CCSER2: variants seen among roughly 807,000 people sequenced by gnomAD.
CCSER2 encodes coiled-coil serine rich protein 2.
Under a neutral mutation model 92.3 loss-of-function variants are expected in CCSER2, and 46 were observed. That is an observed-to-expected ratio of 0.50 (90% CI 0.39 to 0.64). The LOEUF is 0.64. CCSER2 is among the 30% of genes least tolerant of loss of function. CCSER2 has a pLI of 0.00. For synonymous variants in CCSER2, 433 were observed against 431.4 expected (o/e 1.00, Z -0.04); for missense variants, 1,244 against 1,238.9 (o/e 1.00, Z -0.06).
chr10:84,478,158 A>G (rs1847264221), intron 9 of CCSER2, among the ~76,000 whole-genome samples: 1 of 152,230 alleles, frequency 6.6e-6, no homozygotes, highest in Non-Finnish European at 1.5e-5. Context: ...TTTAGGCAGA[A>G]CTAGGGAATG....
intron 3 of CCSER2, among the ~76,000 whole-genome samples, chr10:84,374,874 T>C (rs1004090223): frequency 2.0e-5 from 3 of 152,216 alleles, no homozygotes; most frequent in East Asian, 1.9e-4. Flanking sequence ...TAATTTTCTA[T>C]ACTCCTATAA....
intron 9 of CCSER2, among the ~76,000 whole-genome samples, chr10:84,493,142 G>A (rs1848263368): frequency 1.3e-5 from 2 of 152,106 alleles, no homozygotes; most frequent in Non-Finnish European, 2.9e-5. Flanking sequence ...TTCTTTAATA[G>A]TTATTGACCT....
At chr10:84,366,913 A>C (rs1377809473) in intron 1 of CCSER2, among the ~76,000 whole-genome samples, 3 of 152,182 alleles carry the variant, frequency 2.0e-5, no homozygotes, top group Non-Finnish European at 4.4e-5. Context: ...TACAGGAAGA[A>C]ATGATGAGCA....
intron 3 of CCSER2, among the ~76,000 whole-genome samples, chr10:84,383,550 T>C (rs1039283671): frequency 6.6e-6 from 1 of 152,242 alleles, no homozygotes; most frequent in African/African-American, 2.4e-5. Flanking sequence ...GACCTCATGA[T>C]CTACCCACCT....
chr10:84,467,195 TTG>T (rs1467011483), intron 7 of CCSER2, among the ~76,000 whole-genome samples: 1 of 152,240 alleles, frequency 6.6e-6, no homozygotes, highest in East Asian at 1.9e-4. Flanking sequence ...CCTTTGGCTT[TTG>T]TGTCACTTCT....
intron 9 of CCSER2, among the ~76,000 whole-genome samples, chr10:84,507,689 A>G (rs1457854933): frequency 6.6e-6 from 1 of 152,214 alleles, no homozygotes; most frequent in Non-Finnish European, 1.5e-5. Context: ...AATGCTTATG[A>G]AAACTGGCAT....
At position 84,385,930 on chromosome 10, in the gene CCSER2, A is replaced by G. The variant is rs1841179045; in HGVS notation, c.1614+12115A>G. Among the ~76,000 whole-genome samples, 4 of 152,226 alleles carry G rather than the reference A, an allele frequency of 2.6e-5. No homozygotes were observed. The South Asian group carries it at 6.2e-4, about 24-fold the overall frequency. On this transcript the variant is annotated intron_variant, in intron 3 of 9. Transcript: ENST00000372088. ...TTAAAAAAATGGGCAAAGGATATGA[A>G]CAGACATTTCTCAAAAGAAGACATA...
intron 3 of CCSER2, chr10:84,392,022 G>A (rs1841547898): frequency 7.8e-7 from 1 of 1,276,594 alleles, no homozygotes; most frequent in Non-Finnish European, 1.1e-6. Flanking sequence ...CTTAAAAAGA[G>A]CGTCTTGCAG....
At chr10:84,444,709 G>T (rs1844799498) in intron 6 of CCSER2, among the ~76,000 whole-genome samples, 1 of 152,114 alleles carries the variant, frequency 6.6e-6, no homozygotes, top group South Asian at 2.1e-4. Flanking sequence ...AGGAATCTTT[G>T]TTTTATTAAA....
rs189420127 is a variant in CCSER2, at chr10:84,411,389, G to A, written c.1615-6382G>A. On this transcript the variant is annotated intron_variant, in intron 3 of 9. Transcript: ENST00000372088. ...AACATTGAATCTATAAATTCGTTTC[G>A]GCAGTATGGCCATTTTCATGATATT... Among the ~76,000 whole-genome samples the A allele has an allele frequency of 1.2e-4, 18 of 152,100 alleles. No individual in the cohort carries two copies. The East Asian group carries it at 3.3e-3, about 28-fold the overall frequency.
chr10:84,450,928 G>A (rs978768179), intron 6 of CCSER2, among the ~76,000 whole-genome samples: 1 of 152,142 alleles, frequency 6.6e-6, no homozygotes, highest in African/African-American at 2.4e-5. Context: ...TATAAAGATT[G>A]TACAAAATAC....
intron 1 of CCSER2, among the ~76,000 whole-genome samples, chr10:84,357,040 A>G (rs1021175381): frequency 6.6e-6 from 1 of 152,326 alleles, no homozygotes; most frequent in Non-Finnish European, 1.5e-5. Flanking sequence ...GCAGCAGATG[A>G]TTGAAAGTCA....
chr10:84,393,761 C>CA (rs1223527720), intron 3 of CCSER2: 4 of 152,428 alleles, frequency 2.6e-5, no homozygotes, highest in Non-Finnish European at 5.9e-5. Context: ...TTTGTATACA[C>CA]ATTATGACAT....
chr10:84,385,467 A>G (rs59085675), intron 3 of CCSER2, among the ~76,000 whole-genome samples: 19,269 of 152,226 alleles, frequency 0.13, 1,492 homozygotes, highest in Admixed American at 0.23. Flanking sequence ...CATACATCTG[A>G]CTGAACTTCG....
intron 9 of CCSER2, among the ~76,000 whole-genome samples, chr10:84,496,921 G>A (rs573541593): frequency 6.6e-6 from 1 of 152,260 alleles, no homozygotes; most frequent in Admixed American, 6.5e-5. Flanking sequence ...GTATTTGACA[G>A]CAGGAAAAGG....
intron 8 of CCSER2, 147 bp from the exon 9 acceptor site, chr10:84,477,428 C>T (rs10887305): frequency 0.64 from 327,224 of 510,814 alleles, 109,638 homozygotes; most frequent in East Asian, 0.78. Context: ...CTGATTACCT[C>T]CTGTCATGGC....
rs1354677728 is a variant in CCSER2, at chr10:84,455,873, T to C, written c.2065-8060T>C. ...CATTGTAACGGGAGCAACCACAGCA[T>C]CTGGCTTTTCATTATCAAGAAGTTC... On this transcript the variant is annotated intron_variant, in intron 6 of 9. Transcript: ENST00000372088. 7.0e-6 allele frequency: 5 copies of C among 719,358 alleles called. No individual in the cohort carries two copies. In the Admixed American group the frequency reaches 7.1e-5, roughly 10 times the overall value. 44.6% of individuals were successfully genotyped at this position (719,358 alleles called of 1,614,324 possible).
chr10:84,447,787 A>G (rs1845017682), intron 6 of CCSER2, among the ~76,000 whole-genome samples: 1 of 152,058 alleles, frequency 6.6e-6, no homozygotes, highest in Non-Finnish European at 1.5e-5. Flanking sequence ...TCAGGGCTTA[A>G]AGTGTGAAGA....
intron 1 of CCSER2, among the ~76,000 whole-genome samples, chr10:84,345,097 A>C (rs1342654306): frequency 6.6e-6 from 1 of 152,198 alleles, no homozygotes; most frequent in Non-Finnish European, 1.5e-5. Flanking sequence ...AATTTTGAAT[A>C]CTAATCTCAG....
Sources: allele counts gnomAD v4.1 joint callset (sites outside exome capture counted in the v4.1 genomes callset), GRCh38; gene constraint gnomAD v4.1.1; transcripts MANE v1.5; gene names NCBI Gene and HGNC (gene_info 2026-07-23, HGNC 2026-07-21).